CABLES1: variants seen among roughly 807,000 people sequenced by gnomAD.
The protein encoded by CABLES1 is CDK5 and ABL1 enzyme substrate 1.
CABLES1 carries 36 observed loss-of-function variants against 57.8 expected under a neutral mutation model. The observed-to-expected ratio is 0.62, with a 90% CI of 0.48 to 0.82. The LOEUF (loss-of-function observed/expected upper bound fraction) is 0.82. Among genes scored for constraint, CABLES1 ranks in the 40% least tolerant of loss-of-function variants. The pLI is 0.00. For missense variants in CABLES1, 767 were observed against 836.6 expected (o/e 0.92, Z 1.03); for synonymous variants, 374 against 363.0 (o/e 1.03, Z -0.35).
chr18:23,255,651 C>T (rs531088446), intron 9 of CABLES1, among the ~76,000 whole-genome samples: 1 of 151,716 alleles, frequency 6.6e-6, no homozygotes, highest in Non-Finnish European at 1.5e-5. Context: ...CCTCCACCTC[C>T]CAGACTCAAG....
intron 1 of CABLES1, among the ~76,000 whole-genome samples, chr18:23,160,710 A>G (rs2144974520): frequency 6.6e-6 from 1 of 152,306 alleles, no homozygotes; most frequent in African/African-American, 2.4e-5. Context: ...AAACTGGCCT[A>G]CAGACTGTGA....
intron 5 of CABLES1, 108 bp from the exon 6 acceptor site, chr18:23,235,787 T>C (rs2145083575): frequency 9.0e-7 from 1 of 1,117,136 alleles, no homozygotes; most frequent in East Asian, 2.4e-5. Flanking sequence ...GAATTGCAAA[T>C]AGGAGAAAGT....
chr18:23,226,358 T>C (rs1478762900), intron 4 of CABLES1, among the ~76,000 whole-genome samples: 5 of 148,654 alleles, frequency 3.4e-5, no homozygotes, highest in Non-Finnish European at 7.4e-5. Flanking sequence ...GCCAAGATCG[T>C]GCCATTGCAC....
In CABLES1 at chr18:23,260,201, G is replaced by T. The variant is rs1416051394; in HGVS notation, c.*2834G>T. The T allele has an allele frequency of 6.6e-6, 1 of 152,174 alleles. No individual in the cohort carries two copies. The highest frequency in any genetic ancestry group is 2.4e-5 in the African/African-American group (1 of 41,434). 9.4% of individuals were successfully genotyped at this position (152,174 alleles called of 1,614,324 possible). A position where few individuals can be genotyped will look rare whatever the true frequency, so the allele number is the denominator to read the frequency against. On this transcript the variant is annotated 3_prime_UTR_variant, in exon 10 of 10. Transcript: ENST00000256925. ...AGTCACCACTTTTCCTTTCTTGCCC[G>T]CTAATAAAACCTATTTAAACAGGAA... is the stretch of plus-strand genomic sequence containing the variant.
intron 1 of CABLES1, among the ~76,000 whole-genome samples, chr18:23,174,887 C>G (rs964045192): frequency 2.2e-5 from 3 of 134,562 alleles, no homozygotes; most frequent in Non-Finnish European, 3.1e-5. Flanking sequence ...GTAAAATAAA[C>G]TCGATAGCTT....
intron 3 of CABLES1, among the ~76,000 whole-genome samples, chr18:23,207,769 A>T (rs1392283267): frequency 6.6e-6 from 1 of 152,134 alleles, no homozygotes; most frequent in Non-Finnish European, 1.5e-5. Context: ...TTGTAGGATA[A>T]GGTGTGCCTC....
intron 7 of CABLES1, among the ~76,000 whole-genome samples, chr18:23,242,511 G>A (rs1236846335): frequency 3.3e-5 from 5 of 152,162 alleles, no homozygotes; most frequent in Admixed American, 2.6e-4. Context: ...TCATTAGAAC[G>A]TGGCAGCCCA....
intron 1 of CABLES1, among the ~76,000 whole-genome samples, chr18:23,188,066 A>T (rs2047215475): frequency 6.6e-6 from 1 of 152,162 alleles, no homozygotes; most frequent in African/African-American, 2.4e-5. Flanking sequence ...CTATCAAATG[A>T]TGGTCTTTGT....
At chr18:23,238,971 T>G (rs2047670142) in intron 7 of CABLES1, among the ~76,000 whole-genome samples, 1 of 152,210 alleles carries the variant, frequency 6.6e-6, no homozygotes, top group Admixed American at 6.5e-5. Context: ...GGTACACTAT[T>G]TCGATGTTGG....
chr18:23,237,664 G>A (rs762820970), intron 7 of CABLES1, among the ~76,000 whole-genome samples: 1 of 152,272 alleles, frequency 6.6e-6, no homozygotes, highest in East Asian at 1.9e-4. Flanking sequence ...CCAGGCTGGG[G>A]ATGACAGAAT....
chr18:23,135,848 AGCAGCCGCCGCC>A lies in CABLES1; in HGVS notation c.93_104del (p.Pro32_Pro35del). On this transcript the variant is annotated inframe_deletion, in exon 1 of 10. Coordinates refer to ENST00000256925, the MANE Select transcript of CABLES1 (RefSeq NM_001100619.3). ...GACGCCGCGGGCGCCAGCGGATTGCAGCAGCCGCCGCCGCAGCCCCAGCCTCAGCCCGCGGCC... is the reference window on the plus strand; with the variant it reads ...GACGCCGCGGGCGCCAGCGGATTGCAGCAGCCCCAGCCTCAGCCCGCGGCC... The A allele has an allele frequency of 2.0e-6, 2 of 989,194 alleles. No individual in the cohort carries two copies. Among genetic ancestry groups the A allele is most frequent in the Non-Finnish European group, 2.4e-6 (2 of 830,714 alleles). 61.3% of individuals were successfully genotyped at this position (989,194 alleles called of 1,614,324 possible). A position where few individuals can be genotyped will look rare whatever the true frequency, so the allele number is the denominator to read the frequency against.
At position 23,180,708 on chromosome 18, in the gene CABLES1, A is replaced by G. The variant is rs9958567; in HGVS notation, c.846-8130A>G. ...TTCTTGGGTTTATATATAGTTTTTC[A>G]TTTTAGGGCTCCTTTAAGTAGTAGG... On this transcript the variant is annotated intron_variant, in intron 1 of 9. Transcript: ENST00000256925. Among the ~76,000 whole-genome samples the G allele has an allele frequency of 4.1e-3, 617 of 152,188 alleles. 4 individuals carry two copies. The highest frequency in any genetic ancestry group is 0.014 in the African/African-American group (582 of 41,500).
intron 1 of CABLES1, among the ~76,000 whole-genome samples, chr18:23,175,917 T>G (rs1459517717): frequency 6.6e-6 from 1 of 152,212 alleles, no homozygotes; most frequent in Non-Finnish European, 1.5e-5. Context: ...AGATACCTGC[T>G]GTCAGGTTGG....
chr18:23,255,878 T>C (rs191650033), intron 9 of CABLES1, among the ~76,000 whole-genome samples: 3 of 152,260 alleles, frequency 2.0e-5, no homozygotes, highest in African/African-American at 7.2e-5. Flanking sequence ...AATGAATCTT[T>C]TGATGTAACA....
At chr18:23,180,412 C>T (rs1471233991) in intron 1 of CABLES1, among the ~76,000 whole-genome samples, 1 of 152,120 alleles carries the variant, frequency 6.6e-6, no homozygotes, top group East Asian at 1.9e-4. Context: ...AAGGAAATAA[C>T]AATAGGGTGA....
At chr18:23,251,550 C>T (rs2048037980) in intron 7 of CABLES1, among the ~76,000 whole-genome samples, 1 of 152,052 alleles carries the variant, frequency 6.6e-6, no homozygotes, top group African/African-American at 2.4e-5. Context: ...GGAGGAAACC[C>T]AGAAAAAAAT....
chr18:23,212,862 T>A (rs2047414784), intron 3 of CABLES1, among the ~76,000 whole-genome samples: 1 of 152,132 alleles, frequency 6.6e-6, no homozygotes, highest in Non-Finnish European at 1.5e-5. Flanking sequence ...AGGAGTTCAT[T>A]GGGTGTTTCA....
intron 9 of CABLES1, among the ~76,000 whole-genome samples, chr18:23,254,308 C>G (rs1386958264): frequency 6.6e-6 from 1 of 152,218 alleles, no homozygotes; most frequent in East Asian, 1.9e-4. Context: ...CCTTGGCTTC[C>G]TACTTCCTTA....
In CABLES1 at chr18:23,231,838, C is replaced by T. The variant is rs113003458; in HGVS notation, c.1089-2770C>T. On this transcript the variant is annotated intron_variant, in intron 4 of 9. Coordinates refer to ENST00000256925, the MANE Select transcript of CABLES1 (RefSeq NM_001100619.3). ...CAAGAAGGGGAGTGTGGAAGAGGCG[C>T]GACTGGTTTGGTTCTGTTAACTGTG... Among the ~76,000 whole-genome samples, 1,201 of 152,100 alleles carry T rather than the reference C, an allele frequency of 7.9e-3. 18 individuals are homozygous for T. Among genetic ancestry groups the T allele is most frequent in the East Asian group, 0.048 (247 of 5,184 alleles).
Sources: allele counts gnomAD v4.1 joint callset (sites outside exome capture counted in the v4.1 genomes callset), GRCh38; gene constraint gnomAD v4.1.1; transcripts MANE v1.5; gene names NCBI Gene and HGNC (gene_info 2026-07-23, HGNC 2026-07-21).